Variants in CLSTN2 observed in about 807,000 individuals in gnomAD.
The protein encoded by CLSTN2 is calsyntenin 2.
In CLSTN2, 48 loss-of-function variants were observed where a neutral mutation model predicts 101.2. The observed-to-expected ratio is 0.47, with a 90% CI of 0.38 to 0.60. The LOEUF is 0.60. Ranked by LOEUF, CLSTN2 falls within the 20% of genes least tolerant of loss-of-function variation. The pLI, the probability that CLSTN2 is intolerant of heterozygous loss-of-function variation, is 0.00. For missense variants in CLSTN2, 1,160 were observed against 1,238.2 expected (o/e 0.94, Z 0.95); for synonymous variants, 481 against 463.6 (o/e 1.04, Z -0.48).
At chr3:140,480,413 C>T (rs531772159) in intron 8 of CLSTN2, among the ~76,000 whole-genome samples, 26 of 152,270 alleles carry the variant, frequency 1.7e-4, no homozygotes, top group Admixed American at 7.2e-4. Context: ...CATACATGTG[C>T]ATGTGTCTTT....
intron 2 of CLSTN2, among the ~76,000 whole-genome samples, chr3:140,332,345 G>A (rs2087391685): frequency 6.6e-6 from 1 of 152,112 alleles, no homozygotes; most frequent in Non-Finnish European, 1.5e-5. Context: ...TGGGGGAGGG[G>A]TGAGCAAGGT....
At chr3:140,278,751 C>T (rs2086818418) in intron 2 of CLSTN2, among the ~76,000 whole-genome samples, 1 of 152,210 alleles carries the variant, frequency 6.6e-6, no homozygotes, top group South Asian at 2.1e-4. Context: ...GACAGGGTCT[C>T]ACTCTGCTGC....
At chr3:140,358,812 A>T (rs1437537512) in intron 2 of CLSTN2, among the ~76,000 whole-genome samples, 1 of 152,018 alleles carries the variant, frequency 6.6e-6, no homozygotes, top group Non-Finnish European at 1.5e-5. Context: ...AATGCCCCAG[A>T]TGACGACACC....
chr3:140,448,454 A>G, intron 5 of CLSTN2, 65 bp from the exon 6 acceptor site: 1 of 1,337,780 alleles, frequency 7.5e-7, no homozygotes. Context: ...CACATTTCTA[A>G]AAGAAATGTT....
intron 4 of CLSTN2, among the ~76,000 whole-genome samples, chr3:140,413,309 G>A (rs1301421169): frequency 3.9e-5 from 6 of 152,086 alleles, no homozygotes; most frequent in Admixed American, 1.3e-4. Context: ...AAATAGATAA[G>A]TTCCTAAGGA....
At chr3:140,351,113 G>C (rs563130989) in intron 2 of CLSTN2, among the ~76,000 whole-genome samples, 1 of 152,152 alleles carries the variant, frequency 6.6e-6, no homozygotes, top group East Asian at 1.9e-4. Flanking sequence ...TTCCCAGAGT[G>C]GGGGACAAAC....
At chr3:140,393,857 T>C (rs1201634687) in intron 2 of CLSTN2, among the ~76,000 whole-genome samples, 1 of 152,202 alleles carries the variant, frequency 6.6e-6, no homozygotes, top group Non-Finnish European at 1.5e-5. Context: ...TTTAAAATGC[T>C]CTCTTGGCAA....
At chr3:140,219,662 C>T (rs2086249051) in intron 2 of CLSTN2, among the ~76,000 whole-genome samples, 1 of 152,214 alleles carries the variant, frequency 6.6e-6, no homozygotes, top group Non-Finnish European at 1.5e-5. Flanking sequence ...CCAGCCCTTC[C>T]AGGCAGCGCT....
intron 2 of CLSTN2, among the ~76,000 whole-genome samples, chr3:140,244,422 T>A (rs1356598152): frequency 6.6e-6 from 1 of 152,174 alleles, no homozygotes; most frequent in Non-Finnish European, 1.5e-5. Flanking sequence ...CTTTCTCTCC[T>A]CCACTCTACA....
At chr3:140,394,619 C>G (rs935423231) in intron 2 of CLSTN2, among the ~76,000 whole-genome samples, 1 of 112,614 alleles carries the variant, frequency 8.9e-6, no homozygotes, top group South Asian at 3.7e-4. Context: ...TGCAGTACTT[C>G]ATTGCACTTA....
In CLSTN2 at chr3:140,166,630, G is replaced by T. The variant is rs114311526; in HGVS notation, c.110-9321G>T. On this transcript the variant is annotated intron_variant, in intron 1 of 16. Transcript: ENST00000458420. ...ACTTTTTTTGCAGTGTAAGCAAAGA[G>T]AAGAGAGCTGAGGAGCTCTCCTGAG... Among the ~76,000 whole-genome samples the T allele has an allele frequency of 9.1e-3, 1,388 of 152,250 alleles. 21 individuals are homozygous for T. Among genetic ancestry groups the T allele is most frequent in the African/African-American group, 0.03 (1,254 of 41,556 alleles).
At chr3:140,138,325 A>G (rs1247115465) in intron 1 of CLSTN2, among the ~76,000 whole-genome samples, 2 of 152,204 alleles carry the variant, frequency 1.3e-5, no homozygotes, top group East Asian at 1.9e-4. Context: ...TCTGCTGTCC[A>G]TGGATCTTTT....
chr3:140,309,969 G>T (rs1211900632), intron 2 of CLSTN2, among the ~76,000 whole-genome samples: 2 of 152,146 alleles, frequency 1.3e-5, no homozygotes, highest in East Asian at 3.9e-4. Context: ...TTGTTCCCCA[G>T]TCATCCTGCT....
intron 2 of CLSTN2, among the ~76,000 whole-genome samples, chr3:140,335,344 A>G (rs1372846343): frequency 6.6e-6 from 1 of 152,110 alleles, no homozygotes; most frequent in Admixed American, 6.5e-5. Flanking sequence ...AGAAATATAA[A>G]TTTCGGTACC....
intron 2 of CLSTN2, among the ~76,000 whole-genome samples, chr3:140,380,232 T>C (rs4683489): frequency 0.93 from 142,083 of 152,162 alleles, 67,092 homozygotes; most frequent in East Asian, 1. Flanking sequence ...GGAGTGTGTG[T>C]CTGTCACAGA....
intron 1 of CLSTN2, among the ~76,000 whole-genome samples, chr3:140,137,025 G>T (rs371928309): frequency 2.6e-5 from 4 of 152,266 alleles, no homozygotes; most frequent in East Asian, 3.9e-4. Flanking sequence ...GATTATATTG[G>T]AGGTTGAAGC....
At chr3:139,980,441 A>T (rs1428105803) in intron 1 of CLSTN2, among the ~76,000 whole-genome samples, 2 of 152,032 alleles carry the variant, frequency 1.3e-5, no homozygotes, top group African/African-American at 4.8e-5. Context: ...TCCATCTATG[A>T]CTATATTATG....
chr3:139,983,613 A>G (rs1022946284), intron 1 of CLSTN2, among the ~76,000 whole-genome samples: 2 of 152,170 alleles, frequency 1.3e-5, no homozygotes, highest in Non-Finnish European at 2.9e-5. Context: ...TTGTATGTAA[A>G]GTCCATTTTT....
intron 9 of CLSTN2, among the ~76,000 whole-genome samples, chr3:140,541,604 TG>T (rs1474241582): frequency 6.6e-6 from 1 of 152,210 alleles, no homozygotes; most frequent in Non-Finnish European, 1.5e-5. Flanking sequence ...ATGCTTTCTC[TG>T]TAGGAACATC....
Sources: gnomAD v4.1 joint callset for allele counts (sites outside exome capture counted in the v4.1 genomes callset) on GRCh38, gnomAD v4.1.1 for gene constraint, MANE v1.5 for transcripts, NCBI Gene and HGNC (gene_info 2026-07-23, HGNC 2026-07-21) for gene names.